The following TRIM9 variants were observed in gnomAD, a reference collection of about 807,000 sequenced individuals.
TRIM9 encodes E3 ubiquitin-protein ligase TRIM9.
TRIM9 carries 26 observed loss-of-function variants against 78.3 expected under a neutral mutation model. The ratio of observed to expected loss-of-function variants is 0.33; its 90% CI spans 0.24 to 0.46. The LOEUF (loss-of-function observed/expected upper bound fraction) is 0.46, where lower values mean the gene tolerates loss of function less well. TRIM9 is among the 20% of genes least tolerant of loss of function. The probability of loss-of-function intolerance (pLI) is 1.00; values close to 1 mark genes in which losing one functional copy is unlikely to be tolerated. For missense variants in TRIM9, 787 were observed against 1,036.4 expected, an observed-to-expected ratio of 0.76 and a Z score of 3.30; for synonymous variants, 398 against 416.5, an observed-to-expected ratio of 0.96 and a Z score of 0.54.
intron 5 of TRIM9, among the ~76,000 whole-genome samples, chr14:51,003,210 A>G (rs2055317147): frequency 6.6e-6 from 1 of 151,734 alleles, no homozygotes; most frequent in Non-Finnish European, 1.5e-5. Flanking sequence ...ATTAAAATAC[A>G]TTTTTAACAT....
At chr14:51,016,331 G>C (rs771622389) in intron 3 of TRIM9, among the ~76,000 whole-genome samples, 1 of 151,960 alleles carries the variant, frequency 6.6e-6, no homozygotes, top group South Asian at 2.1e-4. Context: ...GATCAGCAGC[G>C]GCATTAGATT....
intron 7 of TRIM9, among the ~76,000 whole-genome samples, chr14:50,989,680 A>G (rs1258581596): frequency 6.6e-6 from 1 of 152,232 alleles, no homozygotes; most frequent in Non-Finnish European, 1.5e-5. Flanking sequence ...AGGAAAGAGC[A>G]ATGGAAAACA....
At chr14:51,011,653 T>A (rs1305076124) in intron 3 of TRIM9, among the ~76,000 whole-genome samples, 3 of 152,230 alleles carry the variant, frequency 2.0e-5, no homozygotes, top group Non-Finnish European at 4.4e-5. Flanking sequence ...TGTTCCTTGT[T>A]CCTTCTTTTC....
rs751564469 is a variant in TRIM9 at position 51,010,956 on chromosome 14, C to A, written c.1042-462G>T. 1.1e-4 allele frequency among the ~76,000 whole-genome samples: 16 copies of A among 152,278 alleles called. No individual in the cohort carries two copies. The South Asian group carries it at 3.3e-3, about 32-fold the overall frequency. The stretch of plus-strand genomic sequence containing the variant: ...AAAGAGCAGACATCACCATCTGAAC[C>A]CAGTTCCTTTCCCTTCCTGCCCCTC... On this transcript the variant is annotated intron_variant, in intron 3 of 12. Coordinates refer to ENST00000684578, the MANE Select transcript of TRIM9 (RefSeq NM_001387360.1).
At chr14:51,070,005 T>C (rs192531816) in intron 1 of TRIM9, among the ~76,000 whole-genome samples, 1 of 152,370 alleles carries the variant, frequency 6.6e-6, no homozygotes, top group East Asian at 1.9e-4. Context: ...TGTAACTTCA[T>C]AGCTGAGGTT....
At chr14:51,091,979 G>C (rs182564966) in intron 1 of TRIM9, among the ~76,000 whole-genome samples, 1 of 152,042 alleles carries the variant, frequency 6.6e-6, no homozygotes, top group African/African-American at 2.4e-5. Context: ...TCAAGGATAG[G>C]CTTGTCATAA....
chr14:51,012,897 T>C lies in TRIM9; in HGVS notation c.1042-2403A>G, dbSNP rs146429199. 2.1e-3 allele frequency among the ~76,000 whole-genome samples: 320 copies of C among 152,278 alleles called. 1 individual carries two copies. The highest frequency in any genetic ancestry group is 7.3e-3 in the African/African-American group (303 of 41,550). On this transcript the variant is annotated intron_variant, in intron 3 of 12. Transcript: ENST00000684578. Reference sequence around the variant, plus strand: ...CTTTGCCCATTTTTAAAATTGGGTGTTTTTGTTGTTGAGTTGTAGGAGTTC... The same window carrying C: ...CTTTGCCCATTTTTAAAATTGGGTGCTTTTGTTGTTGAGTTGTAGGAGTTC...
chr14:50,996,616 G>GT (rs2054238627), intron 7 of TRIM9: 1 of 985,440 alleles, frequency 1.0e-6, no homozygotes, highest in South Asian at 4.7e-5. Context: ...GGGAAATGAG[G>GT]CCATCACCAG....
chr14:50,989,619 C>T (rs967689110), intron 7 of TRIM9, among the ~76,000 whole-genome samples: 2 of 152,136 alleles, frequency 1.3e-5, no homozygotes, highest in African/African-American at 4.8e-5. Flanking sequence ...TTTCATCACA[C>T]GCAGGGATCC....
chr14:51,025,500 A>G, intron 1 of TRIM9, 140 bp from the exon 2 acceptor site: 1 of 691,728 alleles, frequency 1.4e-6, no homozygotes, highest in Non-Finnish European at 2.4e-6. Flanking sequence ...GCATTTGTAC[A>G]GGTAGATTCT....
intron 7 of TRIM9, among the ~76,000 whole-genome samples, chr14:50,991,017 A>G (rs1566551329): frequency 6.6e-6 from 1 of 152,236 alleles, no homozygotes; most frequent in African/African-American, 2.4e-5. Flanking sequence ...ATTAATTGCA[A>G]TTGAGAAGTG....
chr14:50,990,611 G>C (rs1214751631), intron 7 of TRIM9, among the ~76,000 whole-genome samples: 1 of 152,158 alleles, frequency 6.6e-6, no homozygotes. Context: ...AAGAGGAAAA[G>C]CAAACAGATT....
At chr14:50,996,876 C>T in intron 7 of TRIM9, 2 of 985,376 alleles carry the variant, frequency 2.0e-6, no homozygotes, top group Non-Finnish European at 2.4e-6. Flanking sequence ...CAACTGCTCC[C>T]CAAAGCACTG....
At chr14:51,017,784 A>C (rs910350918) in intron 3 of TRIM9, among the ~76,000 whole-genome samples, 3 of 152,294 alleles carry the variant, frequency 2.0e-5, no homozygotes, top group African/African-American at 7.2e-5. Flanking sequence ...ACTGACTTTG[A>C]TTGGCATTGC....
At chr14:51,020,116 A>T (rs903391754) in intron 3 of TRIM9, among the ~76,000 whole-genome samples, 1 of 152,192 alleles carries the variant, frequency 6.6e-6, no homozygotes, top group Non-Finnish European at 1.5e-5. Flanking sequence ...GCGGAAGAAC[A>T]TAAGATTACC....
chr14:51,048,780 C>T (rs1426310637), intron 1 of TRIM9, among the ~76,000 whole-genome samples: 4 of 151,796 alleles, frequency 2.6e-5, no homozygotes, highest in Admixed American at 6.6e-5. Context: ...GTCAGGAGAT[C>T]GAGACCATCC....
At chr14:50,989,508 A>T (rs2053197058) in intron 7 of TRIM9, among the ~76,000 whole-genome samples, 1 of 152,182 alleles carries the variant, frequency 6.6e-6, no homozygotes, top group African/African-American at 2.4e-5. Context: ...GTTTCAGGTC[A>T]CAGCTAATAT....
At chr14:51,016,337 A>G (rs530922058) in intron 3 of TRIM9, among the ~76,000 whole-genome samples, 1 of 152,140 alleles carries the variant, frequency 6.6e-6, no homozygotes, top group South Asian at 2.1e-4. Flanking sequence ...CAGCGGCATT[A>G]GATTCTCACA....
rs972187920 is a variant in TRIM9 at position 51,036,466 on chromosome 14, T to G, written c.823-11106A>C. On this transcript the variant is annotated intron_variant, in intron 1 of 12. Coordinates refer to ENST00000684578, the MANE Select transcript of TRIM9 (RefSeq NM_001387360.1). ...TCTAGTGATAAGTGGAAAAGGGGAA[T>G]GGGGAAAGGGGCTTTACCAGCTCAA... is the stretch of plus-strand genomic sequence containing the variant. Among the ~76,000 whole-genome samples the G allele has an allele frequency of 1.3e-5, 2 of 152,134 alleles. 1 individual carries two copies. Among genetic ancestry groups the G allele is most frequent in the Admixed American group, 1.3e-4 (2 of 15,272 alleles).
Sources: allele counts gnomAD v4.1 joint callset (sites outside exome capture counted in the v4.1 genomes callset), GRCh38; gene constraint gnomAD v4.1.1; transcripts MANE v1.5; gene names NCBI Gene and HGNC (gene_info 2026-07-23, HGNC 2026-07-21).